The following ACYP2 variants were observed in gnomAD, a reference collection of about 807,000 sequenced individuals.
The protein encoded by ACYP2 is acylphosphatase-2.
In ACYP2, 12 loss-of-function variants were observed where a neutral mutation model predicts 11.2. The ratio of observed to expected loss-of-function variants is 1.08; its 90% confidence interval spans 0.69 to 1.74. The LOEUF (loss-of-function observed/expected upper bound fraction) is 1.74, where lower values mean the gene tolerates loss of function less well. Among genes scored for constraint, ACYP2 ranks in the 40% most tolerant of loss-of-function variants. ACYP2 has a pLI of 0.00. For missense variants in ACYP2, 134 were observed against 101.9 expected, an observed-to-expected ratio of 1.31 and a Z score of -1.35; for synonymous variants, 43 against 32.2, an observed-to-expected ratio of 1.33 and a Z score of -1.13.
At chr2:54,205,393 A>T (rs1685032245) in intron 6 of ACYP2, among the ~76,000 whole-genome samples, 2 of 152,296 alleles carry the variant, frequency 1.3e-5, no homozygotes, top group South Asian at 4.1e-4. Flanking sequence ...TTAGAGGGTG[A>T]CCTACTGTTT....
intron 6 of ACYP2, among the ~76,000 whole-genome samples, chr2:54,243,483 T>C (rs1327508602): frequency 6.6e-6 from 1 of 152,180 alleles, no homozygotes; most frequent in Non-Finnish European, 1.5e-5. Flanking sequence ...TATTTATTTA[T>C]TTATTTGTTC....
chr2:54,112,818 G>C (rs907814704), intron 4 of ACYP2, among the ~76,000 whole-genome samples: 5 of 152,238 alleles, frequency 3.3e-5, no homozygotes, highest in African/African-American at 1.2e-4. Flanking sequence ...GTTTGCTAAT[G>C]TTAGACTGCT....
intron 6 of ACYP2, among the ~76,000 whole-genome samples, chr2:54,273,888 A>G (rs843743): frequency 0.81 from 123,066 of 152,196 alleles, 50,081 homozygotes; most frequent in African/African-American, 0.87. Context: ...GTTACAAACA[A>G]TTATTTTTGG....
intron 6 of ACYP2, among the ~76,000 whole-genome samples, chr2:54,140,792 G>T (rs1240659252): frequency 6.6e-6 from 1 of 151,822 alleles, no homozygotes; most frequent in African/African-American, 2.4e-5. Flanking sequence ...TTTGCAATAA[G>T]AGCAATGCTG....
At chr2:54,124,122 T>C (rs2103748158) in intron 4 of ACYP2, among the ~76,000 whole-genome samples, 1 of 152,256 alleles carries the variant, frequency 6.6e-6, no homozygotes, top group East Asian at 1.9e-4. Context: ...TGATCTTGTG[T>C]CCATAACCTC....
At chr2:54,151,548 C>A (rs932603157) in intron 6 of ACYP2, among the ~76,000 whole-genome samples, 10 of 152,084 alleles carry the variant, frequency 6.6e-5, no homozygotes, top group African/African-American at 2.4e-4. Flanking sequence ...TTTAGGGGAA[C>A]AAAATTCACT....
chr2:54,156,861 T>A (rs1682457574), intron 6 of ACYP2, among the ~76,000 whole-genome samples: 1 of 152,156 alleles, frequency 6.6e-6, no homozygotes, highest in East Asian at 1.9e-4. Context: ...AGAAATGCGG[T>A]TTCACCATGT....
At chr2:54,196,998 CTG>C (rs1289956039) in intron 6 of ACYP2, among the ~76,000 whole-genome samples, 1 of 152,202 alleles carries the variant, frequency 6.6e-6, no homozygotes, top group Non-Finnish European at 1.5e-5. Flanking sequence ...TAGCACAACA[CTG>C]AGTTAAAACA....
At chr2:54,055,957 C>G (rs1031126091) in intron 3 of ACYP2, among the ~76,000 whole-genome samples, 1 of 152,048 alleles carries the variant, frequency 6.6e-6, no homozygotes, top group Non-Finnish European at 1.5e-5. Flanking sequence ...GATATAGTAC[C>G]CCCATAGGCA....
intron 4 of ACYP2, among the ~76,000 whole-genome samples, chr2:54,090,050 C>G (rs1678143163): frequency 6.6e-6 from 1 of 150,928 alleles, no homozygotes; most frequent in East Asian, 2.0e-4. Flanking sequence ...GAGGCTGAGT[C>G]AGGTGAATCT....
chr2:53,986,929 CTCTTT>C (rs1486348959), intron 2 of ACYP2, among the ~76,000 whole-genome samples: 1 of 152,062 alleles, frequency 6.6e-6, no homozygotes, highest in African/African-American at 2.4e-5. Flanking sequence ...CCGACCAAAC[CTCTTT>C]TCTTTATAAA....
chr2:54,002,407 A>T (rs1279437755), intron 2 of ACYP2, among the ~76,000 whole-genome samples: 4 of 145,110 alleles, frequency 2.8e-5, no homozygotes, highest in Admixed American at 7.0e-5. Flanking sequence ...GTGCGGTGGC[A>T]CAATCTTGGC....
intron 4 of ACYP2, among the ~76,000 whole-genome samples, chr2:54,117,787 T>C (rs1359801424): frequency 6.6e-6 from 1 of 152,206 alleles, no homozygotes; most frequent in East Asian, 1.9e-4. Context: ...TTATTTCCTA[T>C]AGGTCTTTGG....
intron 6 of ACYP2, among the ~76,000 whole-genome samples, chr2:54,263,600 G>A (rs1687875539): frequency 6.6e-6 from 1 of 151,884 alleles, no homozygotes; most frequent in Admixed American, 6.6e-5. Flanking sequence ...TCCAGCTTGG[G>A]TGACATAGTG....
chr2:54,262,162 G>A (rs1687808639), intron 6 of ACYP2, among the ~76,000 whole-genome samples: 1 of 152,202 alleles, frequency 6.6e-6, no homozygotes, highest in African/African-American at 2.4e-5. Flanking sequence ...GAGTGTTTCA[G>A]CCAGGGGTGA....
intron 6 of ACYP2, among the ~76,000 whole-genome samples, chr2:54,229,382 T>C (rs967257899): frequency 4.6e-5 from 7 of 152,236 alleles, no homozygotes; most frequent in African/African-American, 1.4e-4. Context: ...AATATACTGA[T>C]TGCAGAGTTC....
intron 2 of ACYP2, among the ~76,000 whole-genome samples, chr2:54,016,258 C>T (rs775578744): frequency 9.9e-5 from 15 of 151,946 alleles, no homozygotes. Context: ...CTGTAGCCCT[C>T]CCAGTGCCAT....
intron 4 of ACYP2, among the ~76,000 whole-genome samples, chr2:54,105,281 C>T (rs1401572592): frequency 6.6e-6 from 1 of 152,056 alleles, no homozygotes; most frequent in Non-Finnish European, 1.5e-5. Context: ...AATGCAGCAG[C>T]CACACTGGGC....
intron 2 of ACYP2, among the ~76,000 whole-genome samples, chr2:53,999,984 C>T (rs1390820552): frequency 6.6e-6 from 1 of 152,028 alleles, no homozygotes; most frequent in African/African-American, 2.4e-5. Context: ...TTTACCCAAT[C>T]TTAATTAGAG....
Sources: allele counts gnomAD v4.1 joint callset (sites outside exome capture counted in the v4.1 genomes callset), GRCh38; gene constraint gnomAD v4.1.1; transcripts MANE v1.5; gene names NCBI Gene and HGNC (gene_info 2026-07-23, HGNC 2026-07-21).